Variants in PTBP3 observed in about 807,000 individuals in gnomAD.
PTBP3 encodes polypyrimidine tract binding protein 3.
In PTBP3, 20 loss-of-function variants were observed where a neutral mutation model predicts 58.7. The observed-to-expected ratio is 0.34, with a 90% CI of 0.24 to 0.50. The LOEUF (loss-of-function observed/expected upper bound fraction) is 0.50, where lower values mean the gene tolerates loss of function less well. Among genes scored for constraint, PTBP3 ranks in the 20% least tolerant of loss-of-function variants. The probability of loss-of-function intolerance (pLI) is 0.98; values close to 1 mark genes in which losing one functional copy is unlikely to be tolerated. For missense variants in PTBP3, 509 were observed against 637.2 expected (o/e 0.80, Z 2.17); for synonymous variants, 185 against 219.8 (o/e 0.84, Z 1.40).
chr9:112,290,136 G>A (rs1828317233), intron 2 of PTBP3, among the ~76,000 whole-genome samples: 2 of 152,158 alleles, frequency 1.3e-5, no homozygotes, highest in African/African-American at 4.8e-5. Context: ...AAATTATAGT[G>A]TCAGAGGGTA....
At chr9:112,330,552 T>C in intron 1 of PTBP3, 1 of 940,418 alleles carries the variant, frequency 1.1e-6, no homozygotes, top group Non-Finnish European at 1.6e-6. Context: ...ATAGTAAGAA[T>C]AAAGGGGAAA....
At chr9:112,333,427 G>T in intron 1 of PTBP3, 43 bp downstream of exon 1, 5 of 1,563,368 alleles carry the variant, frequency 3.2e-6, no homozygotes, top group Non-Finnish European at 4.3e-6. Flanking sequence ...TGGAAGCGGC[G>T]CCAAGGCAAC....
At chr9:112,249,340 A>T (rs73658030) in intron 7 of PTBP3, among the ~76,000 whole-genome samples, 5,970 of 152,198 alleles carry the variant, frequency 0.039, 345 homozygotes, top group African/African-American at 0.13. Context: ...TTCTATAGGT[A>T]TAACAAATGT....
chr9:112,229,407 A>G (rs956065675), intron 10 of PTBP3, among the ~76,000 whole-genome samples: 1 of 151,970 alleles, frequency 6.6e-6, no homozygotes, highest in Admixed American at 6.6e-5. Context: ...CTACCAAAAA[A>G]TACAAAAATT....
the PTBP3 span, among the ~76,000 whole-genome samples, chr9:112,349,411 C>T: frequency 6.6e-6 from 1 of 152,094 alleles, no homozygotes; most frequent in East Asian, 1.9e-4. Flanking sequence ...GCCATTCCAG[C>T]AAACTATCTA....
At position 112,219,725 on chromosome 9, in the gene PTBP3, C is replaced by G. The variant is rs1405393039; in HGVS notation, c.*4126G>C. 1.3e-5 allele frequency: 2 copies of G among 152,760 alleles called. No individual in the cohort carries two copies. Among genetic ancestry groups the G allele is most frequent in the Non-Finnish European group, 2.9e-5 (2 of 68,154 alleles). 9.5% of individuals were successfully genotyped at this position (152,760 alleles called of 1,614,324 possible). A position where few individuals can be genotyped will look rare whatever the true frequency, so the allele number is the denominator to read the frequency against. ...TACATATTTCCTGAAAACCAGAATA[C>G]TGATACTACTTTAGTCTCAAATAGG... On this transcript the variant is annotated 3_prime_UTR_variant, in exon 14 of 14. Coordinates refer to ENST00000374257, the MANE Select transcript of PTBP3 (RefSeq NM_001163788.4).
chr9:112,250,178 C>T (rs535939547), intron 7 of PTBP3, among the ~76,000 whole-genome samples: 76 of 152,102 alleles, frequency 5.0e-4, no homozygotes, highest in African/African-American at 1.7e-3. Flanking sequence ...TACTTAAAGT[C>T]CCAATTAGCA....
chr9:112,233,621 T>A (rs1835333189), intron 8 of PTBP3, among the ~76,000 whole-genome samples: 1 of 152,048 alleles, frequency 6.6e-6, no homozygotes, highest in African/African-American at 2.4e-5. Context: ...GTTAACTCCA[T>A]CCTCTCCATC....
chr9:112,307,637 T>C (rs748051662), intron 1 of PTBP3, among the ~76,000 whole-genome samples: 8 of 152,160 alleles, frequency 5.3e-5, no homozygotes, highest in Non-Finnish European at 1.2e-4. Context: ...AAAAGAAACT[T>C]ACATTTGAAA....
chr9:112,225,580 G>A (rs1589792637), intron 12 of PTBP3, among the ~76,000 whole-genome samples: 1 of 152,162 alleles, frequency 6.6e-6, no homozygotes, highest in South Asian at 2.1e-4. Context: ...TTTAAATTAT[G>A]TGTATTTTAT....
intron 5 of PTBP3, among the ~76,000 whole-genome samples, chr9:112,257,170 T>C (rs1836403004): frequency 6.6e-6 from 1 of 152,190 alleles, no homozygotes; most frequent in South Asian, 2.1e-4. Flanking sequence ...AGAATAGAAC[T>C]TGCCTGAATG....
At chr9:112,300,700 C>G (rs10119851) in intron 1 of PTBP3, among the ~76,000 whole-genome samples, 7,788 of 151,880 alleles carry the variant, frequency 0.051, 456 homozygotes, top group African/African-American at 0.15. Flanking sequence ...TGCAGTGAGC[C>G]GAGATCACGC....
At chr9:112,254,569 C>T (rs1003991526) in intron 5 of PTBP3, among the ~76,000 whole-genome samples, 1 of 152,126 alleles carries the variant, frequency 6.6e-6, no homozygotes, top group African/African-American at 2.4e-5. Flanking sequence ...AGGCAAAGGA[C>T]TTCAATCGAC....
At chr9:112,353,899 A>G in the PTBP3 span, among the ~76,000 whole-genome samples, 1 of 152,074 alleles carries the variant, frequency 6.6e-6, no homozygotes, top group South Asian at 2.1e-4. Context: ...TAGAGGTTTT[A>G]GTGAGCCAAG....
At chr9:112,286,403 GATTTT>G (rs1828117258) in intron 2 of PTBP3, among the ~76,000 whole-genome samples, 1 of 151,120 alleles carries the variant, frequency 6.6e-6, no homozygotes. Context: ...GCTTCCTTTG[GATTTT>G]ATTTTTTGGT....
chr9:112,267,941 G>T, intron 4 of PTBP3, 108 bp downstream of exon 4: 1 of 1,038,448 alleles, frequency 9.6e-7, no homozygotes, highest in Non-Finnish European at 1.3e-6. Context: ...GACTAGTAAA[G>T]TATCCTAAAA....
At chr9:112,364,040 C>T in the PTBP3 span, among the ~76,000 whole-genome samples, 20 of 152,238 alleles carry the variant, frequency 1.3e-4, 1 homozygote, top group South Asian at 3.7e-3. Context: ...ATCCTTTTTA[C>T]TGTCTCCATA....
At chr9:112,334,727 A>C (rs947937439), upstream of PTBP3, among the ~76,000 whole-genome samples, 10 of 152,216 alleles carry the variant, frequency 6.6e-5, no homozygotes, top group Non-Finnish European at 1.3e-4. Flanking sequence ...AAAAAGATCT[A>C]AACTGTGGAC....
chr9:112,279,173 A>C (rs1355112547), intron 2 of PTBP3, among the ~76,000 whole-genome samples: 2 of 152,230 alleles, frequency 1.3e-5, no homozygotes, highest in Non-Finnish European at 2.9e-5. Flanking sequence ...ATGATTTAAA[A>C]GCCAATAGGA....
Sources: allele counts gnomAD v4.1 joint callset (sites outside exome capture counted in the v4.1 genomes callset), GRCh38; gene constraint gnomAD v4.1.1; transcripts MANE v1.5; gene names NCBI Gene and HGNC (gene_info 2026-07-23, HGNC 2026-07-21).